Variants in USP28 observed in about 807,000 individuals in gnomAD.
The protein encoded by USP28 is ubiquitin carboxyl-terminal hydrolase 28.
In USP28, 113 loss-of-function variants were observed where a neutral mutation model predicts 145.0. The ratio of observed to expected loss-of-function variants is 0.78; its 90% CI spans 0.67 to 0.91. USP28 has a LOEUF of 0.91. Ranked by LOEUF, USP28 falls within the 40% of genes least tolerant of loss-of-function variation. The pLI, the probability that USP28 is intolerant of heterozygous loss-of-function variation, is 0.00. For missense variants in USP28, 1,201 were observed against 1,289.6 expected (o/e 0.93, Z 1.05); for synonymous variants, 447 against 450.9 (o/e 0.99, Z 0.11).
chr11:113,849,298 A>C (rs1946211676), intron 3 of USP28, among the ~76,000 whole-genome samples: 1 of 152,184 alleles, frequency 6.6e-6, no homozygotes. Context: ...TAGACCAATA[A>C]AGAGCTGCTT....
At chr11:113,845,300 G>A (rs746974942) in intron 3 of USP28, among the ~76,000 whole-genome samples, 2 of 151,682 alleles carry the variant, frequency 1.3e-5, no homozygotes, top group East Asian at 1.9e-4. Context: ...TTAGCTAGGC[G>A]TGGTGGGACA....
At chr11:113,819,195 C>T (rs2135585389) in intron 12 of USP28, among the ~76,000 whole-genome samples, 2 of 151,986 alleles carry the variant, frequency 1.3e-5, no homozygotes, top group African/African-American at 4.8e-5. Context: ...TTACTGCAAC[C>T]TCTGCCTCCT....
intron 2 of USP28, 117 bp from the exon 3 acceptor site, chr11:113,852,750 GGTAGAATTA>G: frequency 8.5e-7 from 1 of 1,179,862 alleles, no homozygotes; most frequent in Non-Finnish European, 1.2e-6. Flanking sequence ...ATAATTCTAG[GGTAGAATTA>G]TGAGACTATG....
At chr11:113,805,249 A>T (rs1939744038) in intron 19 of USP28, among the ~76,000 whole-genome samples, 1 of 121,366 alleles carries the variant, frequency 8.2e-6, no homozygotes, top group Non-Finnish European at 1.6e-5. Flanking sequence ...GGCACCAAAA[A>T]CATACTGTAC....
chr11:113,863,304 A>C (rs1947890241), intron 1 of USP28, among the ~76,000 whole-genome samples: 1 of 152,234 alleles, frequency 6.6e-6, no homozygotes, highest in Admixed American at 6.5e-5. Context: ...TAAAATACTT[A>C]GGAATAAATT....
rs141458062 is a variant in USP28, at chr11:113,872,082, T to C, written c.57+3363A>G. On this transcript the variant is annotated intron_variant, in intron 1 of 24. Coordinates refer to ENST00000003302, the Ensembl canonical transcript of USP28. Reference sequence around the variant, plus strand: ...TCTGAGCACCGAGTCTGGCACATAGTGCATGCTCAATTAGCATTAGCTATT... The same window carrying C: ...TCTGAGCACCGAGTCTGGCACATAGCGCATGCTCAATTAGCATTAGCTATT... Among the ~76,000 whole-genome samples, 441 of 152,352 alleles carry C rather than the reference T, an allele frequency of 2.9e-3. 6 individuals are homozygous for C. The highest frequency in any genetic ancestry group is 9.3e-3 in the African/African-American group (387 of 41,590).
chr11:113,829,315 C>T (rs1444195952), exon 10 of USP28: 1 of 1,613,998 alleles, frequency 6.2e-7, no homozygotes, highest in Non-Finnish European at 8.5e-7. Context: ...AGGATACTGG[C>T]CGAAGGTCTC....
Position 113,799,536 on chromosome 11 carries a change from C to G in USP28, c.3059-121G>C. On this transcript the variant is annotated intron_variant, in intron 24 of 24. Transcript: ENST00000003302. ...GTCAAAGCATTATGCTGGCCAGTTA[C>G]TAATAAATGATTATTCCTTCAGGCC... 2.6e-6 allele frequency: 3 copies of G among 1,142,094 alleles called. No homozygotes were observed. In the East Asian group the frequency reaches 7.9e-5, roughly 30 times the overall value. The allele number at this position is 1,142,094 out of a possible 1,614,324, so 70.7% of individuals were successfully genotyped here.
chr11:113,810,563 T>C (rs1192009167), intron 16 of USP28, among the ~76,000 whole-genome samples: 1 of 152,270 alleles, frequency 6.6e-6, no homozygotes, highest in African/African-American at 2.4e-5. Flanking sequence ...CTTCGCAGCA[T>C]AAATATACAA....
chr11:113,809,443 C>T (rs986031412), intron 16 of USP28, among the ~76,000 whole-genome samples, 189 bp from the exon 17 acceptor site: 3 of 152,184 alleles, frequency 2.0e-5, no homozygotes, highest in African/African-American at 7.2e-5. Context: ...TTTTGGACTT[C>T]AAATTTTTTT....
intron 15 of USP28, among the ~76,000 whole-genome samples, chr11:113,813,579 G>A (rs1160076925): frequency 6.6e-6 from 1 of 152,160 alleles, no homozygotes; most frequent in Non-Finnish European, 1.5e-5. Context: ...TTTTCCCACT[G>A]CACTACTTAA....
rs778295743 is a variant in USP28, at chr11:113,874,423, G to GAAAAAAAA, written c.57+1014_57+1021dup. Reference sequence around the variant, plus strand: ...CTAGGCAACAGAGGGAGACTCTGTCGAAAAAAAAAAAAAAAAAAAAAAAAA... The same window carrying GAAAAAAAA: ...CTAGGCAACAGAGGGAGACTCTGTCGAAAAAAAAAAAAAAAAAAAAAAAAAAAAAAAAA... On this transcript the variant is annotated intron_variant, in intron 1 of 24. Transcript: ENST00000003302. 4.8e-5 allele frequency: 20 copies of GAAAAAAAA among 414,070 alleles called. No homozygotes were observed. In the African/African-American group the frequency reaches 6.9e-4, roughly 14 times the overall value. The allele number at this position is 414,070 out of a possible 1,614,324, so 25.6% of individuals were successfully genotyped here.
chr11:113,799,651 C>G (rs560105966), intron 24 of USP28, among the ~76,000 whole-genome samples: 1 of 152,224 alleles, frequency 6.6e-6, no homozygotes, highest in Admixed American at 6.5e-5. Context: ...GTCTTCTAAC[C>G]AATTGTCTTC....
chr11:113,827,117 C>G (rs1444822414), intron 11 of USP28, 116 bp downstream of exon 11: 1 of 1,312,308 alleles, frequency 7.6e-7, no homozygotes, highest in East Asian at 2.6e-5. Context: ...CTCATAGAAT[C>G]CAAATTTGCA....
chr11:113,872,454 T>C (rs1009930397), intron 1 of USP28, among the ~76,000 whole-genome samples: 15 of 151,670 alleles, frequency 9.9e-5, no homozygotes, highest in African/African-American at 3.4e-4. Flanking sequence ...GCCACTGCAC[T>C]TCAGCCTGGG....
exon 2 of USP28, chr11:113,854,306 T>C: frequency 1.2e-6 from 2 of 1,614,126 alleles, no homozygotes; most frequent in Non-Finnish European, 1.7e-6. Context: ...CTGTGATTTC[T>C]CTCAGTTGAT....
chr11:113,819,735 A>G (rs1319737724), intron 12 of USP28, among the ~76,000 whole-genome samples: 1 of 152,138 alleles, frequency 6.6e-6, no homozygotes, highest in Non-Finnish European at 1.5e-5. Flanking sequence ...TTATTTATTT[A>G]TGAGACAGAG....
At chr11:113,803,397 G>C in intron 22 of USP28, 116 bp from the exon 24 acceptor site, 1 of 1,218,764 alleles carries the variant, frequency 8.2e-7, no homozygotes, top group Non-Finnish European at 1.1e-6. Flanking sequence ...AAAAAGTGAA[G>C]GACCAAAGAC....
intron 24 of USP28, among the ~76,000 whole-genome samples, 161 bp from the exon 26 acceptor site, chr11:113,799,576 G>C (rs1938560307): frequency 6.6e-6 from 1 of 152,138 alleles, no homozygotes; most frequent in Admixed American, 6.6e-5. Context: ...CAGGAGCAAA[G>C]GCAAATAAAC....
Sources: gnomAD v4.1 joint callset for allele counts (sites outside exome capture counted in the v4.1 genomes callset) on GRCh38, gnomAD v4.1.1 for gene constraint, MANE v1.5 for transcripts, NCBI Gene and HGNC (gene_info 2026-07-23, HGNC 2026-07-21) for gene names.